Variants in HOXB3 observed in about 807,000 individuals in gnomAD.
HOXB3 encodes homeobox B3.
HOXB3 carries 17 observed loss-of-function variants against 29.2 expected under a neutral mutation model. The ratio of observed to expected loss-of-function variants is 0.58; its 90% confidence interval spans 0.40 to 0.87. HOXB3 has a LOEUF of 0.87. Ranked by LOEUF, HOXB3 falls within the 40% of genes least tolerant of loss-of-function variation. The pLI, the probability that HOXB3 is intolerant of heterozygous loss-of-function variation, is 0.00. For missense variants in HOXB3, 637 were observed against 616.3 expected, an observed-to-expected ratio of 1.03 and a Z score of -0.35; for synonymous variants, 317 against 285.9, an observed-to-expected ratio of 1.11 and a Z score of -1.10.
chr17:48,560,854 C>T (rs1231761259), intron 2 of HOXB3, among the ~76,000 whole-genome samples: 1 of 152,188 alleles, frequency 6.6e-6, no homozygotes, highest in Non-Finnish European at 1.5e-5. Context: ...AGAAGGGAGG[C>T]ACCTGCTATC....
intron 2 of HOXB3, among the ~76,000 whole-genome samples, chr17:48,557,910 C>T (rs1191914873): frequency 6.6e-6 from 1 of 152,136 alleles, no homozygotes; most frequent in Admixed American, 6.5e-5. Context: ...GAGATCTCTA[C>T]ACTCTGGTTA....
chr17:48,579,816 ATTT>A (rs549572731), intron 1 of HOXB3: 1 of 457,862 alleles, frequency 2.2e-6, no homozygotes, highest in South Asian at 1.7e-5. Flanking sequence ...ATATATATAT[ATTT>A]TTTTCTTCTG....
Position 48,573,956 on chromosome 17 carries a change from C to A in HOXB3, c.-366G>T. On this transcript the variant is annotated 5_prime_UTR_variant, in exon 2 of 5. Transcript: ENST00000498678. ...ATGGTTCCAAATTTTTTCCCCCTTG[C>A]AGATCCGGGAGAGACGGCTAACACT... 2 of 694,634 alleles carry A rather than the reference C, an allele frequency of 2.9e-6. No homozygotes were observed. The allele number at this position is 694,634 out of a possible 1,614,324, so 43.0% of individuals were successfully genotyped here.
chr17:48,587,123 T>A (rs901591014), intron 1 of HOXB3, among the ~76,000 whole-genome samples: 1 of 152,280 alleles, frequency 6.6e-6, no homozygotes, highest in South Asian at 2.1e-4. Context: ...GCTTCAAGCC[T>A]GGGGAGGGCC....
At chr17:48,556,143 G>T (rs1431513201) in intron 2 of HOXB3, among the ~76,000 whole-genome samples, 8 of 146,498 alleles carry the variant, frequency 5.5e-5, no homozygotes, top group South Asian at 4.3e-4. Flanking sequence ...AAGAAGGAGG[G>T]TTTTTTTTTT....
intron 1 of HOXB3, chr17:48,580,155 G>A (rs1180340766): frequency 3.7e-6 from 1 of 270,846 alleles, no homozygotes; most frequent in Non-Finnish European, 7.3e-6. Context: ...AAAGGGACGA[G>A]AACCTTGCCT....
intron 4 of HOXB3, among the ~76,000 whole-genome samples, chr17:48,551,431 T>C (rs554265266): frequency 4.6e-5 from 7 of 151,912 alleles, no homozygotes; most frequent in Non-Finnish European, 7.4e-5. Context: ...CTTATGAAAA[T>C]TTGATCATGT....
chr17:48,585,005 C>G (rs755252797), intron 1 of HOXB3, among the ~76,000 whole-genome samples: 1 of 151,446 alleles, frequency 6.6e-6, no homozygotes, highest in Non-Finnish European at 1.5e-5. Context: ...CTTTGCGACC[C>G]CTCCGGCAAT....
rs889963015 is a variant in HOXB3 at position 48,578,077 on chromosome 17, C to T, written c.-424-4063G>A. 7 of 55,942 alleles carry T rather than the reference C, an allele frequency of 1.3e-4. No individual in the cohort carries two copies. In the African/African-American group the frequency reaches 1.5e-3, roughly 12 times the overall value. The allele number at this position is 55,942 out of a possible 1,614,324, so 3.5% of individuals were successfully genotyped here. ...ACAGACCGGGCGGTGGCGGGGGCGGCGGGGGTGGTGGCGGAGGCGGCGGGG... is the reference window on the plus strand; with the variant it reads ...ACAGACCGGGCGGTGGCGGGGGCGGTGGGGGTGGTGGCGGAGGCGGCGGGG... On this transcript the variant is annotated intron_variant, in intron 1 of 4. Coordinates refer to ENST00000498678, the MANE Select transcript of HOXB3 (RefSeq NM_001384749.1).
rs2068904917 is a variant in HOXB3, at chr17:48,554,953, C to T, written c.-159+578G>A. On this transcript the variant is annotated intron_variant, in intron 3 of 4. Coordinates refer to ENST00000498678, the MANE Select transcript of HOXB3 (RefSeq NM_001384749.1). This position sits in a 1 kb window ranked among gnomAD's most constrained non-coding sequence, Gnocchi z 4.1. ...TACCAAGCCAAACAGATCTATTTCCCTTGCCTCCATGTTGGAAAAATTCAG... is the reference window on the plus strand; with the variant it reads ...TACCAAGCCAAACAGATCTATTTCCTTTGCCTCCATGTTGGAAAAATTCAG... 1.6e-6 allele frequency: 1 copy of T among 622,068 alleles called. No homozygotes were observed. The allele number at this position is 622,068 out of a possible 1,614,324, so 38.5% of individuals were successfully genotyped here.
intron 1 of HOXB3, chr17:48,577,033 G>A (rs2069787593): frequency 3.2e-6 from 5 of 1,559,986 alleles, no homozygotes; most frequent in Non-Finnish European, 3.5e-6. Flanking sequence ...GGACACACAC[G>A]GAGAGAGGGA....
chr17:48,558,365 G>T (rs1244541281), intron 2 of HOXB3, among the ~76,000 whole-genome samples: 1 of 152,128 alleles, frequency 6.6e-6, no homozygotes, highest in Non-Finnish European at 1.5e-5. Context: ...GCATAGTGGG[G>T]TGGGAGTGAA....
At chr17:48,555,807 G>A (rs1174752552) in intron 2 of HOXB3, among the ~76,000 whole-genome samples, 189 bp from the exon 3 acceptor site, 1 of 152,012 alleles carries the variant, frequency 6.6e-6, no homozygotes, top group African/African-American at 2.4e-5. Flanking sequence ...GTGGGGGAGC[G>A]GGAAAAAAAA....
At position 48,550,384 on chromosome 17, in the gene HOXB3, G is replaced by A; in HGVS notation, c.1246C>T (p.Pro416Ser). The change falls in exon 5 of 5, where the codon CCT becomes TCT. Residue 416 changes from proline to serine, a missense_variant. Transcript: ENST00000498678. ...TCTTGGATTCTACCCTGAGGAGGAG[G>A]CGCGTGGTGAGAGGAGAGGTCTGTG... ...TYTDLSSHHA[P>S]PPQGRIQEAP... The A allele has an allele frequency of 1.2e-6, 2 of 1,614,140 alleles. No homozygotes were observed. Among genetic ancestry groups the A allele is most frequent in the Non-Finnish European group, 1.7e-6 (2 of 1,180,026 alleles).
chr17:48,573,860 GC>G lies in HOXB3; in HGVS notation c.-271del. 1 of 702,130 alleles carries G rather than the reference GC, an allele frequency of 1.4e-6. No individual in the cohort carries two copies. 43.5% of individuals were successfully genotyped at this position (702,130 alleles called of 1,614,324 possible). On this transcript the variant is annotated 5_prime_UTR_variant, in exon 2 of 5. The change creates a premature stop within an existing upstream ORF in the 5' untranslated region. Coordinates refer to ENST00000498678, the MANE Select transcript of HOXB3 (RefSeq NM_001384749.1). ...ACCTTTGCGCCTCTCGCCTCCTCTC[GC>G]CCGAACTCTGCAGATCCCATTCATG...
At chr17:48,574,697 C>A (rs146485010) in intron 1 of HOXB3, among the ~76,000 whole-genome samples, 1 of 152,148 alleles carries the variant, frequency 6.6e-6, no homozygotes, top group Non-Finnish European at 1.5e-5. Context: ...TGCACAAAAG[C>A]AATCTGAGCC....
chr17:48,551,102 C>CCCG lies in HOXB3; in HGVS notation c.525_527dup (p.Gly178dup), dbSNP rs746292587. ...ACCCCGGGGGGCTCTTGTCCCCTCC[C>CCCG]CCGCCGCCGCCGCCACCGCCCCCGC... On this transcript the variant is annotated inframe_insertion, in exon 5 of 5. Coordinates refer to ENST00000498678, the MANE Select transcript of HOXB3 (RefSeq NM_001384749.1). The CCCG allele has an allele frequency of 4.3e-5, 59 of 1,382,706 alleles. No individual in the cohort carries two copies. Among genetic ancestry groups the CCCG allele is most frequent in the Non-Finnish European group, 4.8e-5 (51 of 1,065,924 alleles). The allele number at this position is 1,382,706 out of a possible 1,614,324, so 85.7% of individuals were successfully genotyped here. A position where few individuals can be genotyped will look rare whatever the true frequency, so the allele number is the denominator to read the frequency against.
intron 1 of HOXB3, among the ~76,000 whole-genome samples, chr17:48,577,466 A>G (rs2144888371): frequency 6.6e-6 from 1 of 152,320 alleles, no homozygotes; most frequent in African/African-American, 2.4e-5. Flanking sequence ...AAGGAGTCAG[A>G]CTGGAAGAAA....
intron 4 of HOXB3, 63 bp from the exon 5 acceptor site, chr17:48,551,244 G>A: frequency 7.9e-7 from 1 of 1,259,432 alleles, no homozygotes; most frequent in Non-Finnish European, 1.0e-6. Context: ...TACTGAACAC[G>A]CCGAAATTGA....
Sources: allele counts gnomAD v4.1 joint callset (sites outside exome capture counted in the v4.1 genomes callset), GRCh38; gene constraint gnomAD v4.1.1; non-coding constraint Gnocchi (gnomAD v3.1); transcripts MANE v1.5; gene names NCBI Gene and HGNC (gene_info 2026-07-23, HGNC 2026-07-21).